Variants in KCNK10 observed in about 807,000 individuals in gnomAD.
KCNK10 encodes potassium channel subfamily K member 10.
Under a neutral mutation model 47.7 loss-of-function variants are expected in KCNK10, and 25 were observed. The ratio of observed to expected loss-of-function variants is 0.52; its 90% CI spans 0.38 to 0.73. KCNK10 has a LOEUF of 0.73. Among genes scored for constraint, KCNK10 ranks in the 30% least tolerant of loss-of-function variants. The pLI is 0.00. For synonymous variants in KCNK10, 303 were observed against 285.6 expected, an observed-to-expected ratio of 1.06 and a Z score of -0.61; for missense variants, 563 against 714.5, an observed-to-expected ratio of 0.79 and a Z score of 2.42.
chr14:88,193,693 A>C (rs1884822026), intron 4 of KCNK10, among the ~76,000 whole-genome samples: 1 of 152,206 alleles, frequency 6.6e-6, no homozygotes, highest in Non-Finnish European at 1.5e-5. Flanking sequence ...TTCATTTTAC[A>C]CATGCAAAAC....
chr14:88,305,010 C>T (rs533035059), intron 1 of KCNK10, among the ~76,000 whole-genome samples: 1 of 152,198 alleles, frequency 6.6e-6, no homozygotes, highest in South Asian at 2.1e-4. Flanking sequence ...CAAGCCTGGC[C>T]AATGTGGTGA....
chr14:88,319,009 A>G (rs777848716), intron 1 of KCNK10, among the ~76,000 whole-genome samples: 6 of 152,218 alleles, frequency 3.9e-5, no homozygotes, highest in African/African-American at 1.4e-4. Context: ...TCATCAACAA[A>G]TGATGCTGAT....
upstream of KCNK10, among the ~76,000 whole-genome samples, chr14:88,326,263 A>G (rs1888661106): frequency 6.7e-6 from 1 of 150,304 alleles, no homozygotes; most frequent in African/African-American, 2.4e-5. Flanking sequence ...AATCAAACAC[A>G]ACTCCTCCTC....
chr14:88,218,719 G>A (rs1885703349), intron 4 of KCNK10, among the ~76,000 whole-genome samples: 2 of 152,082 alleles, frequency 1.3e-5, no homozygotes. Context: ...GAATTTGACT[G>A]GTTTTCCTAC....
At position 88,185,411 on chromosome 14, in the gene KCNK10, T is replaced by C. The variant is rs1884508496; in HGVS notation, c.*124A>G. Reference sequence around the variant, plus strand: ...CAGTTGTTTATGGCACAGTGAAATATATTCTTCAATGCTATGTAATTTTGG... The same window carrying C: ...CAGTTGTTTATGGCACAGTGAAATACATTCTTCAATGCTATGTAATTTTGG... On this transcript the variant is annotated 3_prime_UTR_variant, in exon 7 of 7. Coordinates refer to ENST00000319231, the MANE Select transcript of KCNK10 (RefSeq NM_138317.3). The surrounding 1 kb of genome is among the most constrained non-coding windows in gnomAD (Gnocchi z 4.3). The C allele has an allele frequency of 7.5e-7, 1 of 1,333,200 alleles. No individual in the cohort carries two copies. Among genetic ancestry groups the C allele is most frequent in the Non-Finnish European group, 1.0e-6 (1 of 986,352 alleles). The allele number at this position is 1,333,200 out of a possible 1,614,324, so 82.6% of individuals were successfully genotyped here. A position where few individuals can be genotyped will look rare whatever the true frequency, so the allele number is the denominator to read the frequency against.
chr14:88,257,889 G>C (rs946664889), intron 2 of KCNK10, among the ~76,000 whole-genome samples: 1 of 152,114 alleles, frequency 6.6e-6, no homozygotes, highest in Admixed American at 6.5e-5. Flanking sequence ...TGTTGAACTG[G>C]ATAATTCTTT....
intron 3 of KCNK10, among the ~76,000 whole-genome samples, chr14:88,233,464 A>G (rs1361131939): frequency 6.6e-6 from 1 of 152,178 alleles, no homozygotes; most frequent in Non-Finnish European, 1.5e-5. Flanking sequence ...CAAGCACTGG[A>G]TTTCTTAGTC....
At chr14:88,258,989 G>T (rs1162515999) in intron 2 of KCNK10, among the ~76,000 whole-genome samples, 1 of 152,188 alleles carries the variant, frequency 6.6e-6, no homozygotes, top group Non-Finnish European at 1.5e-5. Flanking sequence ...GAGACATGAT[G>T]AAATAAATAC....
At chr14:88,281,877 T>C (rs1487117386) in intron 1 of KCNK10, among the ~76,000 whole-genome samples, 3 of 151,766 alleles carry the variant, frequency 2.0e-5, no homozygotes, top group Non-Finnish European at 2.9e-5. Context: ...TGGTTCTGTT[T>C]CTCTAGAGTA....
At chr14:88,239,206 TA>T (rs35034913) in intron 3 of KCNK10, among the ~76,000 whole-genome samples, 34,532 of 147,256 alleles carry the variant, frequency 0.23, 4,046 homozygotes, top group East Asian at 0.38. Context: ...TAAATTTGTT[TA>T]AAAAAAAAAA....
intron 4 of KCNK10, among the ~76,000 whole-genome samples, chr14:88,201,089 A>G (rs1266694017): frequency 6.6e-6 from 1 of 152,208 alleles, no homozygotes; most frequent in Non-Finnish European, 1.5e-5. Flanking sequence ...GGAGGTGCCA[A>G]TGAACTTGGA....
At chr14:88,268,333 T>C (rs1887323903) in intron 1 of KCNK10, among the ~76,000 whole-genome samples, 1 of 152,026 alleles carries the variant, frequency 6.6e-6, no homozygotes, top group South Asian at 2.1e-4. Flanking sequence ...GCTGTGGAGA[T>C]CAGGGCAGCA....
At chr14:88,311,698 G>A (rs2139800687) in intron 1 of KCNK10, among the ~76,000 whole-genome samples, 1 of 152,236 alleles carries the variant, frequency 6.6e-6, no homozygotes, top group Middle Eastern at 3.4e-3. Flanking sequence ...GAAGAAATTA[G>A]GTGCATGAGG....
Position 88,323,174 on chromosome 14 carries a change from G to A in KCNK10, c.-376C>T. The stretch of plus-strand genomic sequence containing the variant: ...GCGCAGCCTGAAGGCTGGGGCTACG[G>A]AGAAGCCCACTGCAGTGTCACTCCA... On this transcript the variant is annotated 5_prime_UTR_variant, in exon 1 of 7. Coordinates refer to ENST00000319231, the MANE Select transcript of KCNK10 (RefSeq NM_138317.3). 9.0e-7 allele frequency: 1 copy of A among 1,108,048 alleles called. No homozygotes were observed. Among genetic ancestry groups the A allele is most frequent in the Non-Finnish European group, 1.1e-6 (1 of 902,690 alleles). 68.6% of individuals were successfully genotyped at this position (1,108,048 alleles called of 1,614,324 possible).
At chr14:88,234,708 T>C (rs112713430) in intron 3 of KCNK10, among the ~76,000 whole-genome samples, 3,101 of 152,318 alleles carry the variant, frequency 0.02, 108 homozygotes, top group African/African-American at 0.071. Flanking sequence ...TGTGGACCAG[T>C]GACTGCTGGG....
intron 1 of KCNK10, among the ~76,000 whole-genome samples, chr14:88,270,394 C>T (rs1887375242): frequency 8.6e-6 from 1 of 116,032 alleles, no homozygotes; most frequent in Admixed American, 1.0e-4. Flanking sequence ...TCATGTTTTC[C>T]CTGTTTCCAT....
At chr14:88,314,664 T>G (rs1490003476) in intron 1 of KCNK10, among the ~76,000 whole-genome samples, 1 of 152,196 alleles carries the variant, frequency 6.6e-6, no homozygotes, top group Non-Finnish European at 1.5e-5. Context: ...GACCACTTCC[T>G]GGATGATCCA....
At chr14:88,242,439 G>A (rs1169440957) in intron 2 of KCNK10, among the ~76,000 whole-genome samples, 2 of 152,048 alleles carry the variant, frequency 1.3e-5, no homozygotes, top group East Asian at 1.9e-4. Flanking sequence ...AAGATGCTGC[G>A]AGCTAGATTT....
intron 1 of KCNK10, among the ~76,000 whole-genome samples, chr14:88,314,038 G>A (rs1888379195): frequency 3.9e-5 from 6 of 152,236 alleles, no homozygotes; most frequent in Admixed American, 1.3e-4. Context: ...CAGCAACTGT[G>A]AAGTGGTTGT....
Sources: allele counts gnomAD v4.1 joint callset (sites outside exome capture counted in the v4.1 genomes callset), GRCh38; gene constraint gnomAD v4.1.1; non-coding constraint Gnocchi (gnomAD v3.1); transcripts MANE v1.5; gene names NCBI Gene and HGNC (gene_info 2026-07-23, HGNC 2026-07-21).